The following PARD3B variants were observed in gnomAD, a reference collection of about 807,000 sequenced individuals.
The protein encoded by PARD3B is partitioning defective 3 homolog B.
In PARD3B, 103 loss-of-function variants were observed where a neutral mutation model predicts 130.2. The ratio of observed to expected loss-of-function variants is 0.79; its 90% CI spans 0.67 to 0.93. The LOEUF (loss-of-function observed/expected upper bound fraction) is 0.93. Ranked by LOEUF, PARD3B falls within the 40% of genes least tolerant of loss-of-function variation. The pLI is 0.00. For missense variants in PARD3B, 1,609 were observed against 1,499.2 expected, an observed-to-expected ratio of 1.07 and a Z score of -1.21; for synonymous variants, 583 against 553.2, an observed-to-expected ratio of 1.05 and a Z score of -0.76.
At chr2:204,855,219 A>G (rs957374328) in intron 2 of PARD3B, among the ~76,000 whole-genome samples, 2 of 152,120 alleles carry the variant, frequency 1.3e-5, no homozygotes, top group African/African-American at 4.8e-5. Context: ...GACTCTAAAA[A>G]ATGTATTTTA....
chr2:205,111,502 T>C (rs1370917976), intron 5 of PARD3B, among the ~76,000 whole-genome samples: 1 of 151,994 alleles, frequency 6.6e-6, no homozygotes, highest in African/African-American at 2.4e-5. Flanking sequence ...TACTAAAGAG[T>C]AGGTATCAGT....
At chr2:205,114,937 G>T (rs1703923253) in intron 6 of PARD3B, among the ~76,000 whole-genome samples, 1 of 151,944 alleles carries the variant, frequency 6.6e-6, no homozygotes, top group African/African-American at 2.4e-5. Context: ...TGATAGATAG[G>T]GTGAATATTT....
intron 15 of PARD3B, among the ~76,000 whole-genome samples, chr2:205,232,338 G>T (rs1029494078): frequency 3.3e-5 from 5 of 152,146 alleles, no homozygotes; most frequent in Admixed American, 2.0e-4. Context: ...TGTAGTCCTA[G>T]CTACTTGGGA....
In PARD3B at chr2:205,550,976, TACACACACACACACAC is replaced by T. The variant is rs201422555; in HGVS notation, c.3181-2336_3181-2321del. Among the ~76,000 whole-genome samples the T allele has an allele frequency of 8.0e-6, 1 of 125,568 alleles. No homozygotes were observed. Among genetic ancestry groups the T allele is most frequent in the Non-Finnish European group, 1.6e-5 (1 of 61,104 alleles). 82.4% of individuals were successfully genotyped at this position (125,568 alleles called of 152,430 possible). A position where few individuals can be genotyped will look rare whatever the true frequency, so the allele number is the denominator to read the frequency against. On this transcript the variant is annotated intron_variant, in intron 21 of 22. Coordinates refer to ENST00000406610, the MANE Select transcript of PARD3B (RefSeq NM_001302769.2). The surrounding 1 kb of genome is among the most constrained non-coding windows in gnomAD (Gnocchi z 4.5). ...ATGTGTATATATATATATATATATA[TACACACACACACACAC>T]ACACACACACATAATCTGTTCCTCG...
intron 21 of PARD3B, among the ~76,000 whole-genome samples, chr2:205,552,642 C>G (rs1397346263): frequency 1.3e-5 from 2 of 152,066 alleles, no homozygotes; most frequent in African/African-American, 4.8e-5. Context: ...CTCCAGACCT[C>G]AGGCAATCCA....
At chr2:205,312,288 G>A (rs1317726210) in intron 18 of PARD3B, among the ~76,000 whole-genome samples, 1 of 152,162 alleles carries the variant, frequency 6.6e-6, no homozygotes, top group Non-Finnish European at 1.5e-5. Flanking sequence ...AAAGGCAAAA[G>A]GCCAACAACA....
intron 22 of PARD3B, among the ~76,000 whole-genome samples, chr2:205,554,707 A>G (rs928042323): frequency 3.9e-5 from 6 of 152,338 alleles, no homozygotes; most frequent in Non-Finnish European, 7.3e-5. Context: ...GACAGTCACA[A>G]TGGTACTGAT....
intron 2 of PARD3B, among the ~76,000 whole-genome samples, chr2:204,921,719 T>G (rs1395065574): frequency 1.3e-5 from 2 of 152,148 alleles, no homozygotes; most frequent in African/African-American, 4.8e-5. Context: ...GGAGCAAGCC[T>G]GTGTCATGAT....
chr2:205,446,243 C>T lies in PARD3B; in HGVS notation c.3044+5571C>T, dbSNP rs1441380324. Among the ~76,000 whole-genome samples, 5 of 152,134 alleles carry T rather than the reference C, an allele frequency of 3.3e-5. No homozygotes were observed. Among genetic ancestry groups the T allele is most frequent in the Middle Eastern group, 3.4e-3 (1 of 294 alleles). On this transcript the variant is annotated intron_variant, in intron 20 of 22. Transcript: ENST00000406610. The surrounding 1 kb of genome is among the most constrained non-coding windows in gnomAD (Gnocchi z 4.4). ...GATGAGAGAGGTTGGCCGGCCTTGACGAAGAGTTTGGACTCTATCCTGAGG... is the reference window on the plus strand; with the variant it reads ...GATGAGAGAGGTTGGCCGGCCTTGATGAAGAGTTTGGACTCTATCCTGAGG...
intron 3 of PARD3B, among the ~76,000 whole-genome samples, chr2:204,980,919 A>G (rs189879058): frequency 6.4e-4 from 98 of 152,340 alleles, no homozygotes; most frequent in African/African-American, 2.3e-3. Flanking sequence ...AGCCTTGTTA[A>G]TAGTAATGTA....
intron 2 of PARD3B, among the ~76,000 whole-genome samples, chr2:204,745,168 A>G (rs1300017376): frequency 6.6e-6 from 1 of 152,120 alleles, no homozygotes; most frequent in Non-Finnish European, 1.5e-5. Flanking sequence ...ATGTTGGAGG[A>G]AATCCTGTTC....
At chr2:205,042,237 A>C (rs1698442198) in intron 3 of PARD3B, among the ~76,000 whole-genome samples, 1 of 152,146 alleles carries the variant, frequency 6.6e-6, no homozygotes, top group East Asian at 1.9e-4. Context: ...CAGCTGCCCC[A>C]CCATTAAAAT....
chr2:205,181,613 T>G (rs2035793148), intron 13 of PARD3B, among the ~76,000 whole-genome samples: 1 of 152,256 alleles, frequency 6.6e-6, no homozygotes, highest in African/African-American at 2.4e-5. Flanking sequence ...CAAAGGCAGG[T>G]GGCAAGCTGG....
At chr2:205,090,852 A>G (rs1221368838) in intron 4 of PARD3B, among the ~76,000 whole-genome samples, 1 of 152,166 alleles carries the variant, frequency 6.6e-6, no homozygotes, top group Admixed American at 6.6e-5. Context: ...GTTCTTTATG[A>G]AGCTGGTTTG....
intron 21 of PARD3B, among the ~76,000 whole-genome samples, chr2:205,512,972 A>G (rs1243966090): frequency 6.9e-6 from 1 of 144,488 alleles, no homozygotes; most frequent in Non-Finnish European, 1.5e-5. Flanking sequence ...TATATCTATC[A>G]TCTACTTTTT....
chr2:204,830,446 T>G (rs1488392967), intron 2 of PARD3B, among the ~76,000 whole-genome samples: 1 of 152,222 alleles, frequency 6.6e-6, no homozygotes, highest in African/African-American at 2.4e-5. Flanking sequence ...CTTCAGGAAT[T>G]CATTTGATGT....
chr2:204,732,040 G>A (rs1574840117), intron 2 of PARD3B, among the ~76,000 whole-genome samples: 1 of 151,404 alleles, frequency 6.6e-6, no homozygotes, highest in South Asian at 2.1e-4. Context: ...TACGAATTTA[G>A]CCATAACTCA....
chr2:204,852,990 A>G (rs1008001107), intron 2 of PARD3B, among the ~76,000 whole-genome samples: 1 of 152,216 alleles, frequency 6.6e-6, no homozygotes, highest in African/African-American at 2.4e-5. Context: ...TATGGAAATA[A>G]TGAAATATTA....
chr2:205,385,957 C>T (rs1405036450), intron 18 of PARD3B, among the ~76,000 whole-genome samples: 2 of 152,060 alleles, frequency 1.3e-5, no homozygotes, highest in African/African-American at 4.8e-5. Context: ...CAAGGTATTT[C>T]ACTAAACAAA....
Sources: allele counts gnomAD v4.1 joint callset (sites outside exome capture counted in the v4.1 genomes callset), GRCh38; gene constraint gnomAD v4.1.1; non-coding constraint Gnocchi (gnomAD v3.1); transcripts MANE v1.5; gene names NCBI Gene and HGNC (gene_info 2026-07-23, HGNC 2026-07-21).